TTK: variants seen among roughly 807,000 people sequenced by gnomAD.
The protein encoded by TTK is TTK protein kinase.
In TTK, 59 loss-of-function variants were observed where a neutral mutation model predicts 117.3. The ratio of observed to expected loss-of-function variants is 0.50; its 90% confidence interval spans 0.41 to 0.62. The LOEUF is 0.62. Among genes scored for constraint, TTK ranks in the 20% least tolerant of loss-of-function variants. The pLI is 0.00. For missense variants in TTK, 921 were observed against 989.4 expected (o/e 0.93, Z 0.93); for synonymous variants, 302 against 325.0 (o/e 0.93, Z 0.76).
Position 80,039,752 on chromosome 6 carries a change from C to G in TTK, c.2187C>G (p.Tyr729Ter). The G allele has an allele frequency of 6.3e-7, 1 of 1,588,944 alleles. No homozygotes were observed. ...SLGCILYYMTYGKTPFQQIIN... is the reference protein window; with the variant it reads ...SLGCILYYMT ...GATGTATTTTGTACTATATGACTTA[C>G]GGGAAAACACCATTTCAGCAGATAA... Residue 729 changes from tyrosine (Y) to a stop codon, truncating the protein, a stop_gained, in exon 19 of 22, where the codon TAC becomes TAG. Coordinates refer to ENST00000369798, the MANE Select transcript of TTK (RefSeq NM_003318.5). LOFTEE classifies it high-confidence loss of function.
intron 21 of TTK, 147 bp downstream of exon 21, chr6:80,040,850 A>T (rs138240813): frequency 4.6e-6 from 3 of 647,066 alleles, no homozygotes; most frequent in Middle Eastern, 4.2e-4. Context: ...TAACATGTGC[A>T]TTTTGACAAA....
chr6:80,014,660 G>A, intron 10 of TTK, 74 bp downstream of exon 10: 2 of 1,403,228 alleles, frequency 1.4e-6, no homozygotes, highest in Middle Eastern at 1.9e-4. Flanking sequence ...AAGCAGACTA[G>A]CCACCTAAGA....
Position 80,039,763 on chromosome 6 carries a change from C to T in TTK, c.2198C>T (p.Pro733Leu). The T allele has an allele frequency of 6.3e-7, 1 of 1,589,226 alleles. No homozygotes were observed. Among genetic ancestry groups the T allele is most frequent in the African/African-American group, 1.4e-5 (1 of 73,874 alleles). The stretch of plus-strand genomic sequence containing the variant: ...TACTATATGACTTACGGGAAAACAC[C>T]ATTTCAGCAGATAATTAATCAGATT... The part of the protein sequence containing the change: ...ILYYMTYGKT[P>L]FQQIINQISK... Residue 733 changes from proline to leucine, a missense_variant, in exon 19 of 22, where the codon CCA becomes CTA. By Grantham distance (98) the Pro-to-Leu change is moderately conservative (BLOSUM62 -3). Transcript: ENST00000369798.
chr6:80,012,077 T>C, intron 8 of TTK, 97 bp downstream of exon 8: 4 of 913,776 alleles, frequency 4.4e-6, no homozygotes, highest in Non-Finnish European at 3.1e-6. Flanking sequence ...GTAATTATGA[T>C]TAAATTTTTA....
intron 11 of TTK, among the ~76,000 whole-genome samples, chr6:80,025,859 C>CT (rs34381465): frequency 0.015 from 1,890 of 130,186 alleles, 11 homozygotes; most frequent in Middle Eastern, 0.025. Flanking sequence ...CCTATAGGTT[C>CT]TTTTTTTTTT....
chr6:80,026,690 T>C (rs1767617693), intron 12 of TTK, among the ~76,000 whole-genome samples, 176 bp downstream of exon 12: 1 of 152,234 alleles, frequency 6.6e-6, no homozygotes, highest in South Asian at 2.1e-4. Context: ...GGGGAAGTGG[T>C]TGCAATAATG....
Position 80,035,405 on chromosome 6 carries a change from A to G in TTK, c.1912A>G (p.Ile638Val). The G allele has an allele frequency of 6.2e-7, 1 of 1,603,224 alleles. No homozygotes were observed. The highest frequency in any genetic ancestry group is 1.1e-5 in the South Asian group (1 of 88,284). Reference protein sequence around the residue: ...WKNMLEAVHTIHQHGIVHSDL... With the variant: ...WKNMLEAVHTVHQHGIVHSDL... The stretch of plus-strand genomic sequence containing the variant: ...AAATATGTTAGAGGCAGTTCACACA[A>G]TCCATCAACATGGTATTTAACAGTT... Residue 638 changes from isoleucine to valine, a missense_variant, in exon 16 of 22, where the codon ATC (isoleucine) becomes GTC (valine). Physicochemically the swap from Ile to Val is conservative, Grantham distance 29. Coordinates refer to ENST00000369798, the MANE Select transcript of TTK (RefSeq NM_003318.5).
chr6:80,011,150 CT>C (rs1767136060), intron 5 of TTK, among the ~76,000 whole-genome samples, 193 bp downstream of exon 5: 1 of 151,198 alleles, frequency 6.6e-6, no homozygotes, highest in African/African-American at 2.4e-5. Context: ...GCTAACTAAA[CT>C]TTCGTTAACA....
Position 80,008,032 on chromosome 6 carries a change from G to A in TTK, c.362+1G>A, listed in dbSNP as rs752021209. On this transcript the variant is annotated splice_donor_variant, in intron 3 of 21. Transcript: ENST00000369798. LOFTEE classifies it high-confidence loss of function. Reference sequence around the variant, plus strand: ...AAGTGAGATTTGCTGAATTAAAAGCGTAAGTATTAGCATTTTAACTATGTT... The same window carrying A: ...AAGTGAGATTTGCTGAATTAAAAGCATAAGTATTAGCATTTTAACTATGTT... The A allele has an allele frequency of 2.0e-5, 32 of 1,612,524 alleles. No homozygotes were observed. Among genetic ancestry groups the A allele is most frequent in the Admixed American group, 5.0e-5 (3 of 59,892 alleles).
rs553471602 is a variant in TTK at position 80,018,445 on chromosome 6, A to G, written c.1108+3859A>G. On this transcript the variant is annotated intron_variant, in intron 10 of 21. Transcript: ENST00000369798. ...AGCCTGGCCAGTGTGGTGAAACCCC[A>G]TCTCTGCTAAAAATACAAAAAAAAA... Among the ~76,000 whole-genome samples the G allele has an allele frequency of 1.9e-4, 26 of 138,112 alleles. No homozygotes were observed. The South Asian group carries it at 5.9e-3, about 31-fold the overall frequency. The allele number at this position is 138,112 out of a possible 152,430, so 90.6% of individuals were successfully genotyped here.
In TTK at chr6:80,022,342, A is replaced by G. The variant is rs774928701; in HGVS notation, c.1127A>G (p.Glu376Gly). ...ATTTCAGAAACTAAAGAGTATCAAGAACCAGAGGTTCCAGAGAGTAACCAG... is the reference window on the plus strand; with the variant it reads ...ATTTCAGAAACTAAAGAGTATCAAGGACCAGAGGTTCCAGAGAGTAACCAG... ...AKLEETKEYQ[E>G]PEVPESNQKQ... Residue 376 changes from glutamate to glycine, a missense_variant, in exon 11 of 22, where the codon GAA becomes GGA. Physicochemically the swap from Glu to Gly is moderately conservative, Grantham distance 98 (BLOSUM62 -2). Coordinates refer to ENST00000369798, the MANE Select transcript of TTK (RefSeq NM_003318.5). 5.0e-6 allele frequency: 8 copies of G among 1,612,368 alleles called. No individual in the cohort carries two copies. The highest frequency in any genetic ancestry group is 2.7e-5 in the African/African-American group (2 of 74,858).
chr6:80,014,134 T>G (rs1482317166), intron 9 of TTK, among the ~76,000 whole-genome samples: 1 of 152,202 alleles, frequency 6.6e-6, no homozygotes, highest in African/African-American at 2.4e-5. Context: ...AACAAAATAC[T>G]TAAATCTTTT....
intron 8 of TTK, among the ~76,000 whole-genome samples, chr6:80,012,803 T>A (rs1462007262): frequency 6.6e-6 from 1 of 152,072 alleles, no homozygotes; most frequent in Non-Finnish European, 1.5e-5. Flanking sequence ...CTATTTCAAA[T>A]ACCTAGCTCA....
chr6:80,011,023 T>C, intron 5 of TTK, 66 bp downstream of exon 5: 2 of 1,473,260 alleles, frequency 1.4e-6, no homozygotes, highest in East Asian at 2.3e-5. Flanking sequence ...TTCGGGATAA[T>C]AATTTATAGA....
rs567860298 is a variant in TTK, at chr6:80,022,486, T to C, written c.1257+14T>C. On this transcript the variant is annotated intron_variant, in intron 11 of 21. Transcript: ENST00000369798. ...GTTAATACAGAGGTAACTTTTCCAC[T>C]AAAGTACAATATTGCTTTTTTGTTC... 6.2e-7 allele frequency: 1 copy of C among 1,609,950 alleles called. No individual in the cohort carries two copies. Among genetic ancestry groups the C allele is most frequent in the African/African-American group, 1.3e-5 (1 of 74,886 alleles).
intron 10 of TTK, among the ~76,000 whole-genome samples, chr6:80,014,953 G>A (rs907765012): frequency 2.0e-5 from 3 of 152,040 alleles, no homozygotes; most frequent in Non-Finnish European, 2.9e-5. Flanking sequence ...CATGTTCTAG[G>A]GATATATAAG....
intron 4 of TTK, among the ~76,000 whole-genome samples, chr6:80,008,929 C>CTTTGTGTGTG: frequency 7.0e-6 from 1 of 142,406 alleles, no homozygotes; most frequent in African/African-American, 2.6e-5. Flanking sequence ...AACTATATAT[C>CTTTGTGTGTG]TGTGTGTGTG....
intron 8 of TTK, 47 bp from the exon 9 acceptor site, chr6:80,013,232 T>G (rs1767211842): frequency 2.7e-6 from 4 of 1,483,306 alleles, no homozygotes; most frequent in Non-Finnish European, 3.7e-6. Flanking sequence ...TTGAAAATTT[T>G]TTTTTTCAAA....
chr6:80,034,248 T>TG (rs1767833401), intron 14 of TTK, among the ~76,000 whole-genome samples: 1 of 152,070 alleles, frequency 6.6e-6, no homozygotes, highest in Non-Finnish European at 1.5e-5. Flanking sequence ...AGAACAGTCA[T>TG]GGGGTAATGA....
Sources: allele counts gnomAD v4.1 joint callset (sites outside exome capture counted in the v4.1 genomes callset), GRCh38; gene constraint gnomAD v4.1.1; transcripts MANE v1.5; gene names NCBI Gene and HGNC (gene_info 2026-07-23, HGNC 2026-07-21).